Variants in PRPF19 observed in about 807,000 individuals in gnomAD.
The protein encoded by PRPF19 is pre-mRNA-processing factor 19.
A neutral mutation model predicts 64.2 loss-of-function variants in PRPF19; 2 were observed. That is an observed-to-expected ratio of 0.03 (90% CI 0.01 to 0.10). The LOEUF (loss-of-function observed/expected upper bound fraction) is 0.10, where lower values mean the gene tolerates loss of function less well. PRPF19 is among the 10% of genes least tolerant of loss of function. The pLI is 1.00. For missense variants in PRPF19, 314 were observed against 650.0 expected, an observed-to-expected ratio of 0.48 and a Z score of 5.62; for synonymous variants, 226 against 251.6, an observed-to-expected ratio of 0.90 and a Z score of 0.96.
chr11:60,897,811 T>G, intron 15 of PRPF19, 35 bp downstream of exon 15: 2 of 1,587,062 alleles, frequency 1.3e-6, no homozygotes, highest in Non-Finnish European at 1.7e-6. Flanking sequence ...CCTGGGCACC[T>G]AGAGAGATCC....
chr11:60,904,052 T>C (rs1856015515), intron 1 of PRPF19, among the ~76,000 whole-genome samples, 191 bp from the exon 2 acceptor site: 1 of 152,154 alleles, frequency 6.6e-6, no homozygotes, highest in African/African-American at 2.4e-5. Context: ...CCTTTTCCTT[T>C]AGTCTCCTGA....
Position 60,890,855 on chromosome 11 carries a change from T to C in PRPF19, c.*311A>G. The C allele has an allele frequency of 1.9e-6, 1 of 519,528 alleles. No homozygotes were observed. The highest frequency in any genetic ancestry group is 3.7e-6 in the Non-Finnish European group (1 of 268,546). 32.2% of individuals were successfully genotyped at this position (519,528 alleles called of 1,614,324 possible). On this transcript the variant is annotated 3_prime_UTR_variant, in exon 16 of 16. Coordinates refer to ENST00000227524, the MANE Select transcript of PRPF19 (RefSeq NM_014502.5). ...CTGTCTCACAGGAACTGCAACAAAA[T>C]GGGTGTGGAACAGCCACCACCACGT...
intron 10 of PRPF19, among the ~76,000 whole-genome samples, chr11:60,900,331 A>G (rs1342883317): frequency 2.0e-5 from 3 of 152,236 alleles, no homozygotes; most frequent in Non-Finnish European, 4.4e-5. Flanking sequence ...CTAATATGAA[A>G]TATTTCAATG....
chr11:60,900,441 A>T, intron 10 of PRPF19, 141 bp downstream of exon 10: 2 of 671,168 alleles, frequency 3.0e-6, no homozygotes, highest in Non-Finnish European at 5.2e-6. Context: ...CCACAACTCC[A>T]AAGTGAGCCC....
Position 60,900,603 on chromosome 11 carries a change from G to A in PRPF19, c.807C>T (p.Ser269=), listed in dbSNP as rs370112740. 4.7e-5 allele frequency: 73 copies of A among 1,554,128 alleles called. No homozygotes were observed. In the Admixed American group the frequency reaches 6.0e-4, roughly 13 times the overall value. The change falls in exon 10 of 16, where the codon AGC becomes AGT. Residue 269 remains serine (S), a synonymous_variant. Coordinates refer to ENST00000227524, the MANE Select transcript of PRPF19 (RefSeq NM_014502.5). ...TLKGHTKKVT[S]VVFHPSQDLV... ...TTACCTGGGAAGGGTGAAACACCAC[G>A]CTGGTGACCTTCTTGGTATGGCCTT...
At chr11:60,896,901 CA>C (rs1474538570) in intron 15 of PRPF19, among the ~76,000 whole-genome samples, 7 of 152,110 alleles carry the variant, frequency 4.6e-5, no homozygotes, top group Admixed American at 3.3e-4. Context: ...TACAGCTGTA[CA>C]ATGTGTTTTA....
chr11:60,899,009 C>G, intron 11 of PRPF19, 78 bp from the exon 12 acceptor site: 1 of 1,508,208 alleles, frequency 6.6e-7, no homozygotes, highest in African/African-American at 1.4e-5. Flanking sequence ...CAAGACAGAG[C>G]CCCTGGTTTG....
At position 60,902,488 on chromosome 11, in the gene PRPF19, TGA is replaced by T; in HGVS notation, c.463-25_463-24del. 6.2e-7 allele frequency: 1 copy of T among 1,613,248 alleles called. No individual in the cohort carries two copies. The highest frequency in any genetic ancestry group is 1.1e-5 in the South Asian group (1 of 91,046). ...ACCCTGAAGAGAAGAAAGGTGAGGGTGAGAGGCACAGAGCACCAAAGACACCT... is the reference window on the plus strand; with the variant it reads ...ACCCTGAAGAGAAGAAAGGTGAGGGTGAGGCACAGAGCACCAAAGACACCT... On this transcript the variant is annotated intron_variant, in intron 5 of 15. Transcript: ENST00000227524. This position sits in a 1 kb window ranked among gnomAD's most constrained non-coding sequence, Gnocchi z 5.0.
chr11:60,903,011 T>A, intron 3 of PRPF19, 130 bp from the exon 4 acceptor site: 1 of 1,423,338 alleles, frequency 7.0e-7, no homozygotes, highest in South Asian at 1.4e-5. Context: ...CCAAACAATA[T>A]CCGAGCAAAC....
At chr11:60,893,387 C>T (rs940202673) in intron 15 of PRPF19, among the ~76,000 whole-genome samples, 7 of 151,952 alleles carry the variant, frequency 4.6e-5, no homozygotes, top group African/African-American at 1.7e-4. Context: ...GCCTGAAGTC[C>T]CAGCTACTCG....
chr11:60,898,369 T>C lies in PRPF19; in HGVS notation c.1141-98A>G. ...CCTACCTGAGATGTCCCTCACGTCC[T>C]TCCAGGAAGGACAGCCAGCGGGACC... On this transcript the variant is annotated intron_variant, in intron 13 of 15. Transcript: ENST00000227524. The surrounding 1 kb of genome is among the most constrained non-coding windows in gnomAD (Gnocchi z 4.6). The C allele has an allele frequency of 6.5e-7, 1 of 1,528,210 alleles. No homozygotes were observed. Among genetic ancestry groups the C allele is most frequent in the Non-Finnish European group, 8.8e-7 (1 of 1,131,524 alleles). 94.7% of individuals were successfully genotyped at this position (1,528,210 alleles called of 1,614,324 possible). A position where few individuals can be genotyped will look rare whatever the true frequency, so the allele number is the denominator to read the frequency against.
rs1856050335 is a variant in PRPF19 at position 60,906,502 on chromosome 11, C to A, written c.-120G>T. 1.8e-6 allele frequency: 2 copies of A among 1,125,220 alleles called. No individual in the cohort carries two copies. Among genetic ancestry groups the A allele is most frequent in the South Asian group, 1.4e-5 (1 of 69,190 alleles). 69.7% of individuals were successfully genotyped at this position (1,125,220 alleles called of 1,614,324 possible). ...GACTGCTCCGCGGCGAGCTGGGAGC[C>A]GCCAGCCGAGCGATGCTAGCGTAGC... On this transcript the variant is annotated 5_prime_UTR_variant, in exon 1 of 16. Coordinates refer to ENST00000227524, the MANE Select transcript of PRPF19 (RefSeq NM_014502.5).
At chr11:60,906,305 C>T in intron 1 of PRPF19, 59 bp downstream of exon 1, 4 of 1,550,124 alleles carry the variant, frequency 2.6e-6, no homozygotes, top group Non-Finnish European at 3.5e-6. Flanking sequence ...GGACCGCACA[C>T]GCTCCCGCGC....
Position 60,906,212 on chromosome 11 carries a change from G to A in PRPF19, c.19+152C>T, listed in dbSNP as rs552051980. 33 of 1,264,594 alleles carry A rather than the reference G, an allele frequency of 2.6e-5. 1 individual carries two copies. The highest frequency in any genetic ancestry group is 9.6e-5 in the African/African-American group (6 of 62,660). The allele number at this position is 1,264,594 out of a possible 1,614,324, so 78.3% of individuals were successfully genotyped here. A position where few individuals can be genotyped will look rare whatever the true frequency, so the allele number is the denominator to read the frequency against. On this transcript the variant is annotated intron_variant, in intron 1 of 15. Transcript: ENST00000227524. ...TGCGCAAATGCACCCCGCTCCGACG[G>A]GGGGGGCTCCGGTGCTGACAGGCCG...
chr11:60,906,335 A>AC (rs775966232), intron 1 of PRPF19, 29 bp downstream of exon 1: 170 of 1,594,702 alleles, frequency 1.1e-4, no homozygotes, highest in Non-Finnish European at 1.3e-4. Flanking sequence ...GCCTCCTGAG[A>AC]CCCGCGCTTG....
chr11:60,899,963 G>A (rs1855964116), intron 10 of PRPF19, among the ~76,000 whole-genome samples: 1 of 152,136 alleles, frequency 6.6e-6, no homozygotes, highest in Non-Finnish European at 1.5e-5. Context: ...AACAAATTTA[G>A]TCATGAAAAA....
At position 60,898,490 on chromosome 11, in the gene PRPF19, CA is replaced by C. The variant is rs1420307900; in HGVS notation, c.1140+50del. 1 of 1,612,956 alleles carries C rather than the reference CA, an allele frequency of 6.2e-7. No homozygotes were observed. On this transcript the variant is annotated intron_variant, in intron 13 of 15. Transcript: ENST00000227524. The surrounding 1 kb of genome is among the most constrained non-coding windows in gnomAD (Gnocchi z 4.6). ...GCACCTAATTAGCACTGCATTGTCA[CA>C]AACACTCCCTCTGGCCCTGGGCCTC... is the stretch of plus-strand genomic sequence containing the variant.
intron 15 of PRPF19, among the ~76,000 whole-genome samples, chr11:60,897,116 A>G (rs1232704219): frequency 6.6e-6 from 1 of 152,250 alleles, no homozygotes; most frequent in Admixed American, 6.5e-5. Flanking sequence ...AGCAACTTCC[A>G]GTCCTGCAAG....
chr11:60,902,735 T>A lies in PRPF19; in HGVS notation c.388+5A>T. Reference sequence around the variant, plus strand: ...GGGTGGGGGATGGCAGGGGAGAGGCTGCACCTTCTCGGGCAGCAGTGACTT... The same window carrying A: ...GGGTGGGGGATGGCAGGGGAGAGGCAGCACCTTCTCGGGCAGCAGTGACTT... On this transcript the variant is annotated splice_donor_5th_base_variant and intron_variant, in intron 4 of 15. Coordinates refer to ENST00000227524, the MANE Select transcript of PRPF19 (RefSeq NM_014502.5). The surrounding 1 kb of genome is among the most constrained non-coding windows in gnomAD (Gnocchi z 5.0). 1 of 1,614,174 alleles carries A rather than the reference T, an allele frequency of 6.2e-7. No individual in the cohort carries two copies. Among genetic ancestry groups the A allele is most frequent in the Non-Finnish European group, 8.5e-7 (1 of 1,180,024 alleles).
Sources: gnomAD v4.1 joint callset for allele counts (sites outside exome capture counted in the v4.1 genomes callset) on GRCh38, gnomAD v4.1.1 for gene constraint, Gnocchi (gnomAD v3.1) non-coding constraint, MANE v1.5 for transcripts, NCBI Gene and HGNC (gene_info 2026-07-23, HGNC 2026-07-21) for gene names.